ATP8A2: variants seen among roughly 807,000 people sequenced by gnomAD.
The protein encoded by ATP8A2 is ATPase phospholipid transporting 8A2.
Under a neutral mutation model 165.6 loss-of-function variants are expected in ATP8A2, and 100 were observed. The observed-to-expected ratio is 0.60, with a 90% CI of 0.51 to 0.71. The LOEUF is 0.71. Ranked by LOEUF, ATP8A2 falls within the 30% of genes least tolerant of loss-of-function variation. The pLI, the probability that ATP8A2 is intolerant of heterozygous loss-of-function variation, is 0.00. For missense variants in ATP8A2, 1,227 were observed against 1,479.5 expected, an observed-to-expected ratio of 0.83 and a Z score of 2.80; for synonymous variants, 543 against 548.8, an observed-to-expected ratio of 0.99 and a Z score of 0.15.
At chr13:26,006,369 C>A (rs1374787091) in intron 35 of ATP8A2, among the ~76,000 whole-genome samples, 1 of 151,976 alleles carries the variant, frequency 6.6e-6, no homozygotes, top group Admixed American at 6.5e-5. Context: ...TGGTATCCTG[C>A]AACTTTACTG....
intron 1 of ATP8A2, among the ~76,000 whole-genome samples, chr13:25,431,926 A>G (rs1593298643): frequency 6.6e-6 from 1 of 152,082 alleles, no homozygotes; most frequent in Non-Finnish European, 1.5e-5. Context: ...AAAATCACTA[A>G]TCAACTCTCT....
chr13:25,451,448 T>C (rs1296030873), intron 1 of ATP8A2, among the ~76,000 whole-genome samples: 1 of 152,102 alleles, frequency 6.6e-6, no homozygotes, highest in Non-Finnish European at 1.5e-5. Context: ...TATCAGAAAA[T>C]AGTTGTTTCC....
intron 1 of ATP8A2, among the ~76,000 whole-genome samples, chr13:25,422,226 A>T (rs116882723): frequency 0.024 from 3,613 of 152,316 alleles, 69 homozygotes; most frequent in South Asian, 0.11. Flanking sequence ...GTAAATACAT[A>T]CAGAGGCATT....
In ATP8A2 at chr13:25,372,145, C is replaced by T; in HGVS notation, c.-68C>T. 2.6e-6 allele frequency: 3 copies of T among 1,158,154 alleles called. No homozygotes were observed. The highest frequency in any genetic ancestry group is 1.6e-5 in the African/African-American group (1 of 61,684). 71.7% of individuals were successfully genotyped at this position (1,158,154 alleles called of 1,614,324 possible). On this transcript the variant is annotated 5_prime_UTR_variant, in exon 1 of 37. Coordinates refer to ENST00000381655, the MANE Select transcript of ATP8A2 (RefSeq NM_016529.6). The surrounding 1 kb of genome is among the most constrained non-coding windows in gnomAD (Gnocchi z 4.8). ...CACCCATGGTCCTCGGGCGGCGGCC[C>T]CTGCGCCCAGCCCTGCGCGTAGCCT...
intron 24 of ATP8A2, among the ~76,000 whole-genome samples, chr13:25,627,492 T>A (rs2041131755): frequency 6.6e-6 from 1 of 152,182 alleles, no homozygotes; most frequent in Non-Finnish European, 1.5e-5. Context: ...AGCCCTAATC[T>A]GATAAGATTA....
intron 1 of ATP8A2, among the ~76,000 whole-genome samples, chr13:25,445,132 C>T (rs1395536501): frequency 6.6e-6 from 1 of 152,112 alleles, no homozygotes; most frequent in Non-Finnish European, 1.5e-5. Context: ...TTACTAATAC[C>T]TTTCAATAAG....
At chr13:25,892,973 A>G (rs1352190866) in intron 33 of ATP8A2, among the ~76,000 whole-genome samples, 1 of 152,166 alleles carries the variant, frequency 6.6e-6, no homozygotes, top group Non-Finnish European at 1.5e-5. Flanking sequence ...GTTTCTATCA[A>G]ACATAGGACA....
At chr13:25,996,110 T>A (rs970309363) in intron 35 of ATP8A2, among the ~76,000 whole-genome samples, 11 of 152,208 alleles carry the variant, frequency 7.2e-5, no homozygotes, top group African/African-American at 2.7e-4. Context: ...TTATTTTGAT[T>A]AATGTTTGCA....
At chr13:25,928,698 T>C (rs1032145725) in intron 33 of ATP8A2, among the ~76,000 whole-genome samples, 1 of 152,222 alleles carries the variant, frequency 6.6e-6, no homozygotes, top group African/African-American at 2.4e-5. Context: ...CAAGATGACA[T>C]TCCCAGACTC....
At chr13:25,938,240 G>A (rs889582763) in intron 33 of ATP8A2, among the ~76,000 whole-genome samples, 1 of 151,966 alleles carries the variant, frequency 6.6e-6, no homozygotes, top group Non-Finnish European at 1.5e-5. Context: ...AGACCCAGGA[G>A]GTTAAACATA....
intron 35 of ATP8A2, among the ~76,000 whole-genome samples, chr13:25,969,497 A>G (rs938795366): frequency 1.3e-5 from 2 of 152,212 alleles, no homozygotes; most frequent in African/African-American, 4.8e-5. Context: ...TGCTAATGAA[A>G]CAAACATCAA....
chr13:25,731,243 AG>A (rs1195309491), intron 25 of ATP8A2, among the ~76,000 whole-genome samples: 1 of 129,344 alleles, frequency 7.7e-6, no homozygotes. Context: ...AGAGAGAGAG[AG>A]GAAGGAAGGA....
intron 33 of ATP8A2, among the ~76,000 whole-genome samples, chr13:25,949,593 C>G (rs910007314): frequency 6.6e-6 from 1 of 152,098 alleles, no homozygotes; most frequent in Non-Finnish European, 1.5e-5. Context: ...CACACAGGCC[C>G]CCAGCATAAT....
At chr13:25,725,694 G>T (rs2043478365) in intron 25 of ATP8A2, among the ~76,000 whole-genome samples, 1 of 152,186 alleles carries the variant, frequency 6.6e-6, no homozygotes, top group Non-Finnish European at 1.5e-5. Flanking sequence ...TGCCTTAGCT[G>T]TGGACATTCT....
At chr13:26,002,379 A>AC (rs1956643686) in intron 35 of ATP8A2, among the ~76,000 whole-genome samples, 1 of 151,626 alleles carries the variant, frequency 6.6e-6, no homozygotes, top group African/African-American at 2.4e-5. Context: ...GAACACTTGG[A>AC]CACGGTGGGG....
chr13:25,940,099 G>A lies in ATP8A2; in HGVS notation c.3184-21476G>A, dbSNP rs183274426. ...TGGCTCCTGCCCTCAGTCCTCGAGT[G>A]GCGCTGGCAGTTGGGCTCTCCTTTG... On this transcript the variant is annotated intron_variant, in intron 33 of 36. Transcript: ENST00000381655. 9.9e-5 allele frequency among the ~76,000 whole-genome samples: 15 copies of A among 152,226 alleles called. No homozygotes were observed. The East Asian group carries it at 2.3e-3, about 24-fold the overall frequency.
At chr13:25,868,025 G>A (rs1952563704) in intron 33 of ATP8A2, 2 of 424,524 alleles carry the variant, frequency 4.7e-6, no homozygotes, top group South Asian at 3.4e-5. Flanking sequence ...TCCCAGGTGG[G>A]GCGCTCAGTG....
At chr13:25,916,286 G>T (rs1954264475) in intron 33 of ATP8A2, among the ~76,000 whole-genome samples, 1 of 152,212 alleles carries the variant, frequency 6.6e-6, no homozygotes, top group Non-Finnish European at 1.5e-5. Flanking sequence ...CAAACCTTCT[G>T]CAGTACAGCC....
chr13:25,469,105 C>G lies in ATP8A2; in HGVS notation c.205C>G (p.Arg69Gly). ...CAACCAACCGCATCTCAACAAATTC[C>G]GCGACAACCAGATCAGGTAGGAGAA... ...YLNQPHLNKF[R>G]DNQISTAKYS... Residue 69 changes from arginine (R) to glycine (G), a missense_variant, in exon 2 of 37, where the codon CGC becomes GGC. Physicochemically the swap from Arg to Gly is moderately radical, Grantham distance 125. This residue lies in a region of ATP8A2 where 356 missense variants were observed against 394.9 expected (regional missense o/e 0.90). Coordinates refer to ENST00000381655, the MANE Select transcript of ATP8A2 (RefSeq NM_016529.6). The G allele has an allele frequency of 6.2e-7, 1 of 1,614,026 alleles. No individual in the cohort carries two copies. Among genetic ancestry groups the G allele is most frequent in the Non-Finnish European group, 8.5e-7 (1 of 1,179,884 alleles).
Sources: allele counts gnomAD v4.1 joint callset (sites outside exome capture counted in the v4.1 genomes callset), GRCh38; gene constraint gnomAD v4.1.1; regional missense constraint gnomAD v4.1.1; non-coding constraint Gnocchi (gnomAD v3.1); transcripts MANE v1.5; gene names NCBI Gene and HGNC (gene_info 2026-07-23, HGNC 2026-07-21).